The following PPFIA4 variants were observed in gnomAD, a reference collection of about 807,000 sequenced individuals.
PPFIA4 encodes the protein liprin-alpha-4.
PPFIA4 carries 98 observed loss-of-function variants against 145.7 expected under a neutral mutation model. The ratio of observed to expected loss-of-function variants is 0.67; its 90% CI spans 0.57 to 0.80. PPFIA4 has a LOEUF of 0.80. Among genes scored for constraint, PPFIA4 ranks in the 30% least tolerant of loss-of-function variants. The pLI is 0.00. For missense variants in PPFIA4, 1,457 were observed against 1,632.7 expected (o/e 0.89, Z 1.85); for synonymous variants, 628 against 649.6 (o/e 0.97, Z 0.51).
Position 203,043,877 on chromosome 1 carries a change from C to A in PPFIA4, c.337-54C>A. On this transcript the variant is annotated intron_variant, in intron 3 of 29. Transcript: ENST00000295706. This position sits in a 1 kb window ranked among gnomAD's most constrained non-coding sequence, Gnocchi z 4.4. ...ATCACATGGACCCTGCTTGTAGCCCCTGGGGCACATGCTTACAGCCCTCCC... is the reference window on the plus strand; with the variant it reads ...ATCACATGGACCCTGCTTGTAGCCCATGGGGCACATGCTTACAGCCCTCCC... 6.6e-7 allele frequency: 1 copy of A among 1,522,318 alleles called. No individual in the cohort carries two copies. The highest frequency in any genetic ancestry group is 2.0e-5 in the Admixed American group (1 of 51,068). The allele number at this position is 1,522,318 out of a possible 1,614,324, so 94.3% of individuals were successfully genotyped here.
At position 203,055,723 on chromosome 1, in the gene PPFIA4, G is replaced by A; in HGVS notation, c.2070+51G>A. The A allele has an allele frequency of 6.2e-7, 1 of 1,605,500 alleles. No homozygotes were observed. Among genetic ancestry groups the A allele is most frequent in the Non-Finnish European group, 8.5e-7 (1 of 1,174,020 alleles). On this transcript the variant is annotated intron_variant, in intron 16 of 29. Transcript: ENST00000295706. This position sits in a 1 kb window ranked among gnomAD's most constrained non-coding sequence, Gnocchi z 4.8. ...TGGCATCACTGGACCCTGCACCGGG[G>A]GAGGTTTTAAGGGATGGTAGGACTC...
In PPFIA4 at chr1:203,075,549, C is replaced by T. The variant is rs1662464249; in HGVS notation, c.3394-28C>T. ...AGGATGGCAATTCCAACAGGGCCCT[C>T]GGGCCTCTGGTGTCCCCCATGGTGC... On this transcript the variant is annotated intron_variant, in intron 28 of 29. Coordinates refer to ENST00000295706, the MANE Select transcript of PPFIA4 (RefSeq NM_001304331.2). The surrounding 1 kb of genome is among the most constrained non-coding windows in gnomAD (Gnocchi z 4.1). 3.6e-6 allele frequency: 5 copies of T among 1,371,372 alleles called. No homozygotes were observed. The highest frequency in any genetic ancestry group is 1.9e-6 in the Non-Finnish European group (2 of 1,055,094). The allele number at this position is 1,371,372 out of a possible 1,614,324, so 85.0% of individuals were successfully genotyped here. A position where few individuals can be genotyped will look rare whatever the true frequency, so the allele number is the denominator to read the frequency against.
At position 203,049,679 on chromosome 1, in the gene PPFIA4, C is replaced by T. The variant is rs1158243701; in HGVS notation, c.1423C>T (p.Arg475Cys). The T allele has an allele frequency of 3.3e-5, 51 of 1,557,296 alleles. No homozygotes were observed. Among genetic ancestry groups the T allele is most frequent in the East Asian group, 4.8e-5 (2 of 41,656 alleles). Reference sequence around the variant, plus strand: ...CACCCCGGGTCTGCTGGCACAGGGCCGCCTGTCTGAAGAGATTGAGAAGCT... The same window carrying T: ...CACCCCGGGTCTGCTGGCACAGGGCTGCCTGTCTGAAGAGATTGAGAAGCT... ...QIEEQHHHKGRLSEEIEKLRQ... is the reference protein window; with the variant it reads ...QIEEQHHHKGCLSEEIEKLRQ... Residue 475 changes from arginine (R) to cysteine (C), a missense_variant, in exon 13 of 30, where the codon CGC becomes TGC. Arg to Cys is a radical substitution (Grantham distance 180). Coordinates refer to ENST00000295706, the MANE Select transcript of PPFIA4 (RefSeq NM_001304331.2).
intron 1 of PPFIA4, among the ~76,000 whole-genome samples, chr1:203,029,591 A>G (rs773234534): frequency 6.6e-6 from 1 of 152,206 alleles, no homozygotes; most frequent in Non-Finnish European, 1.5e-5. Context: ...ATCACTCAGT[A>G]AGTGATCATT....
chr1:203,063,135 C>G (rs1661507473), intron 24 of PPFIA4: 1 of 152,164 alleles, frequency 6.6e-6, no homozygotes, highest in African/African-American at 2.4e-5. Flanking sequence ...AAAACTAAAG[C>G]TTTCTCAAGT....
Position 203,055,409 on chromosome 1 carries a change from G to C in PPFIA4, c.1830-23G>C. On this transcript the variant is annotated intron_variant, in intron 15 of 29. Coordinates refer to ENST00000295706, the MANE Select transcript of PPFIA4 (RefSeq NM_001304331.2). This position sits in a 1 kb window ranked among gnomAD's most constrained non-coding sequence, Gnocchi z 4.8. ...GGTCCTGGCTGGGGCTAGTGGTGAG[G>C]TCTGGTTTTGCCTCCCTTCCAGGAT... 6.2e-6 allele frequency: 10 copies of C among 1,612,940 alleles called. No individual in the cohort carries two copies. The highest frequency in any genetic ancestry group is 8.5e-6 in the Non-Finnish European group (10 of 1,178,996).
chr1:203,044,827 C>T, intron 6 of PPFIA4, 42 bp downstream of exon 6: 1 of 1,531,246 alleles, frequency 6.5e-7, no homozygotes, highest in Non-Finnish European at 8.9e-7. Flanking sequence ...ATGTGTTCCC[C>T]AAGGTGGGAG....
chr1:203,055,983 C>G lies in PPFIA4; in HGVS notation c.2071-137C>G. On this transcript the variant is annotated intron_variant, in intron 16 of 29. Transcript: ENST00000295706. This position sits in a 1 kb window ranked among gnomAD's most constrained non-coding sequence, Gnocchi z 4.8. ...TCTAGGCCAGCTTTTTTTTTTTTTT[C>G]TGGCGTGATATTCTCTCCGGGCCTG... The G allele has an allele frequency of 2.9e-5, 17 of 588,684 alleles. No individual in the cohort carries two copies. The highest frequency in any genetic ancestry group is 4.4e-5 in the Non-Finnish European group (17 of 389,818). The allele number at this position is 588,684 out of a possible 1,614,324, so 36.5% of individuals were successfully genotyped here.
Position 203,045,351 on chromosome 1 carries a change from T to TGTCC in PPFIA4, c.667-16_667-13dup. On this transcript the variant is annotated splice_polypyrimidine_tract_variant and intron_variant, in intron 6 of 29. Coordinates refer to ENST00000295706, the MANE Select transcript of PPFIA4 (RefSeq NM_001304331.2). ...ATGCTGCTGTGACTCACAGAGCTAC[T>TGTCC]GTCCCTATCCCTGGAGGAGGATACG... is the stretch of plus-strand genomic sequence containing the variant. 1 of 1,558,588 alleles carries TGTCC rather than the reference T, an allele frequency of 6.4e-7. No individual in the cohort carries two copies. The highest frequency in any genetic ancestry group is 8.7e-7 in the Non-Finnish European group (1 of 1,152,892).
chr1:203,071,106 T>C (rs1163775715), intron 27 of PPFIA4, among the ~76,000 whole-genome samples: 4 of 151,590 alleles, frequency 2.6e-5, no homozygotes, highest in East Asian at 1.9e-4. Context: ...TTCACAACCA[T>C]GCCCAGTTAA....
chr1:203,051,846 G>C lies in PPFIA4; in HGVS notation c.1589G>C (p.Arg530Pro). ...CACGCACCCCCAGGCGTGCATCGCCGCTACTCGGCATTGAGGGAAGAGTCT... is the reference window on the plus strand; with the variant it reads ...CACGCACCCCCAGGCGTGCATCGCCCCTACTCGGCATTGAGGGAAGAGTCT... ...TTHAPPGVHR[R>P]YSALREESAK... The change falls in exon 14 of 30, where the codon CGC becomes CCC. Residue 530 changes from arginine (R) to proline (P), a missense_variant. Arg to Pro is a moderately radical substitution (Grantham distance 103, BLOSUM62 -2). This residue lies in a region of PPFIA4 where 848 missense variants were observed against 1,046.7 expected (regional missense o/e 0.81). Coordinates refer to ENST00000295706, the MANE Select transcript of PPFIA4 (RefSeq NM_001304331.2). 1 of 1,613,644 alleles carries C rather than the reference G, an allele frequency of 6.2e-7. No homozygotes were observed. Among genetic ancestry groups the C allele is most frequent in the Non-Finnish European group, 8.5e-7 (1 of 1,179,734 alleles).
chr1:203,033,360 C>T (rs949286118), intron 1 of PPFIA4, among the ~76,000 whole-genome samples: 3 of 152,178 alleles, frequency 2.0e-5, no homozygotes, highest in Non-Finnish European at 4.4e-5. Context: ...CTGGGAATGG[C>T]TTCCTGTAGC....
At chr1:203,069,755 A>ACC (rs5780138) in intron 27 of PPFIA4, among the ~76,000 whole-genome samples, 142 of 104,730 alleles carry the variant, frequency 1.4e-3, no homozygotes, top group South Asian at 4.6e-3. Flanking sequence ...TTCTGCAGTG[A>ACC]CCCCCCCGCC....
In PPFIA4 at chr1:203,048,162, G is replaced by C. The variant is rs983475002; in HGVS notation, c.1141-65G>C. On this transcript the variant is annotated intron_variant, in intron 9 of 29. Transcript: ENST00000295706. The surrounding 1 kb of genome is among the most constrained non-coding windows in gnomAD (Gnocchi z 5.8). ...GGCCACCCTGGCACCAGGGTGCAGG[G>C]GATGCGGGGCCTGAGCAGGAAGAAC... is the stretch of plus-strand genomic sequence containing the variant. 2.0e-4 allele frequency: 309 copies of C among 1,512,294 alleles called. 1 individual carries two copies. Among genetic ancestry groups the C allele is most frequent in the Non-Finnish European group, 2.8e-4 (303 of 1,096,836 alleles). 93.7% of individuals were successfully genotyped at this position (1,512,294 alleles called of 1,614,324 possible). A position where few individuals can be genotyped will look rare whatever the true frequency, so the allele number is the denominator to read the frequency against.
rs760406473 is a variant in PPFIA4, at chr1:203,063,942, C to T, written c.2989C>T (p.Leu997=). 3.1e-6 allele frequency: 5 copies of T among 1,613,926 alleles called. No individual in the cohort carries two copies. Among genetic ancestry groups the T allele is most frequent in the South Asian group, 2.2e-5 (2 of 91,090 alleles). Residue 997 remains leucine, a synonymous_variant, in exon 25 of 30, where the codon CTG becomes TTG. Coordinates refer to ENST00000295706, the MANE Select transcript of PPFIA4 (RefSeq NM_001304331.2). ...GGAGTGCCTGGTGGACGCCCGCATG[C>T]TGGACCACCTCACCAAGAAGGACCT... ...FMECLVDARM[L]DHLTKKDLRV... is the part of the protein sequence containing the mutation.
In PPFIA4 at chr1:203,067,691, G is replaced by A. The variant is rs1173730607; in HGVS notation, c.3051-4G>A. The A allele has an allele frequency of 6.2e-7, 1 of 1,613,700 alleles. No individual in the cohort carries two copies. The highest frequency in any genetic ancestry group is 1.7e-5 in the Admixed American group (1 of 60,024). On this transcript the variant is annotated splice_polypyrimidine_tract_variant and splice_region_variant and intron_variant, in intron 25 of 29. Transcript: ENST00000295706. ...GCTCTGGCTTGGGGGCTGTGTGCCT[G>A]CAGAACCAGTCTTCAGTATGGCATC...
Position 203,038,831 on chromosome 1 carries a change from G to C in PPFIA4, c.-178G>C. The C allele has an allele frequency of 1.9e-6, 1 of 535,540 alleles. No homozygotes were observed. Among genetic ancestry groups the C allele is most frequent in the South Asian group, 2.4e-5 (1 of 42,308 alleles). The allele number at this position is 535,540 out of a possible 1,614,324, so 33.2% of individuals were successfully genotyped here. A position where few individuals can be genotyped will look rare whatever the true frequency, so the allele number is the denominator to read the frequency against. On this transcript the variant is annotated 5_prime_UTR_variant, in exon 2 of 30. Coordinates refer to ENST00000295706, the MANE Select transcript of PPFIA4 (RefSeq NM_001304331.2). ...GGCTCAGTTCCACAGGGGCACTCCA[G>C]ACCCCAGGCCCCTTTCAGAGCAAAA...
chr1:203,041,220 G>C (rs1659673412), intron 2 of PPFIA4, among the ~76,000 whole-genome samples: 2 of 152,216 alleles, frequency 1.3e-5, no homozygotes, highest in African/African-American at 4.8e-5. Context: ...TTTAGAAGCA[G>C]CAGGTGATCC....
intron 23 of PPFIA4, 94 bp from the exon 24 acceptor site, chr1:203,061,557 TG>T: frequency 5.5e-6 from 7 of 1,276,200 alleles, no homozygotes. Flanking sequence ...GATACTGGGA[TG>T]TCTTTTTCCT....
Sources: allele counts gnomAD v4.1 joint callset (sites outside exome capture counted in the v4.1 genomes callset), GRCh38; gene constraint gnomAD v4.1.1; regional missense constraint gnomAD v4.1.1; non-coding constraint Gnocchi (gnomAD v3.1); transcripts MANE v1.5; gene names NCBI Gene and HGNC (gene_info 2026-07-23, HGNC 2026-07-21).